TMEM268: variants seen among roughly 807,000 people sequenced by gnomAD.
The protein encoded by TMEM268 is transmembrane protein C9orf91.
TMEM268 carries 24 observed loss-of-function variants against 39.1 expected under a neutral mutation model. That is an observed-to-expected ratio of 0.61 (90% CI 0.44 to 0.86). The LOEUF (loss-of-function observed/expected upper bound fraction) is 0.86. Among genes scored for constraint, TMEM268 ranks in the 40% least tolerant of loss-of-function variants. The probability of loss-of-function intolerance (pLI) is 0.00; values close to 1 mark genes in which losing one functional copy is unlikely to be tolerated. For missense variants in TMEM268, 409 were observed against 428.6 expected (o/e 0.95, Z 0.40); for synonymous variants, 176 against 173.5 (o/e 1.01, Z -0.12).
At chr9:114,608,565 G>A (rs1239695587), upstream of TMEM268, among the ~76,000 whole-genome samples, 2 of 152,244 alleles carry the variant, frequency 1.3e-5, no homozygotes, top group African/African-American at 4.8e-5. Flanking sequence ...CCTTGTTGGA[G>A]AGGTAGGGTT....
chr9:114,639,654 G>C (rs1484565495), intron 8 of TMEM268, among the ~76,000 whole-genome samples: 1 of 151,830 alleles, frequency 6.6e-6, no homozygotes, highest in Non-Finnish European at 1.5e-5. Context: ...GGGGATTCAA[G>C]GTCCAAACCA....
intron 1 of TMEM268, among the ~76,000 whole-genome samples, chr9:114,612,694 G>T (rs981747649): frequency 6.6e-6 from 1 of 152,090 alleles, no homozygotes; most frequent in African/African-American, 2.4e-5. Context: ...CTCCACCTTT[G>T]CCAAGCCCAG....
Position 114,631,364 on chromosome 9 carries a change from G to A in TMEM268, c.475-2404G>A, listed in dbSNP as rs79043062. On this transcript the variant is annotated intron_variant, in intron 5 of 8. Coordinates refer to ENST00000288502, the MANE Select transcript of TMEM268 (RefSeq NM_153045.4). ...GGCACATTGCTAGGACACATGAGAA[G>A]TTCCAAGTTCCTACAAATATTTGCG... 2.8e-3 allele frequency among the ~76,000 whole-genome samples: 425 copies of A among 151,370 alleles called. 3 individuals are homozygous for A. The highest frequency in any genetic ancestry group is 0.016 in the East Asian group (82 of 5,140).
chr9:114,635,670 C>A (rs1291721377), intron 6 of TMEM268, among the ~76,000 whole-genome samples: 7 of 151,952 alleles, frequency 4.6e-5, no homozygotes, highest in Non-Finnish European at 1.0e-4. Context: ...CAGAGTGAGA[C>A]CCTGTCTCAA....
intron 1 of TMEM268, among the ~76,000 whole-genome samples, chr9:114,616,821 C>T (rs1266821580): frequency 6.6e-6 from 1 of 152,170 alleles, no homozygotes; most frequent in Non-Finnish European, 1.5e-5. Context: ...AACTGCCTGG[C>T]AGTGGGGCCT....
intron 2 of TMEM268, among the ~76,000 whole-genome samples, chr9:114,623,873 G>A (rs1431384108): frequency 6.6e-6 from 1 of 152,168 alleles, no homozygotes; most frequent in East Asian, 1.9e-4. Flanking sequence ...TGGGGCCATT[G>A]TTCTGCCTAC....
At chr9:114,638,305 G>C (rs967283571) in intron 7 of TMEM268, among the ~76,000 whole-genome samples, 2 of 152,214 alleles carry the variant, frequency 1.3e-5, no homozygotes, top group Non-Finnish European at 2.9e-5. Context: ...GCCTCCCAAA[G>C]TGCTGGGATT....
chr9:114,610,309 G>T (rs1367488148), upstream of TMEM268, among the ~76,000 whole-genome samples: 1 of 152,184 alleles, frequency 6.6e-6, no homozygotes, highest in Non-Finnish European at 1.5e-5. Context: ...AAAGTGCTGG[G>T]ATTACAGGCG....
chr9:114,632,839 A>G (rs1274668163), intron 5 of TMEM268, among the ~76,000 whole-genome samples: 1 of 152,182 alleles, frequency 6.6e-6, no homozygotes, highest in Non-Finnish European at 1.5e-5. Context: ...AGGCAGACAC[A>G]TTCTTTTATT....
At chr9:114,612,435 A>C (rs940604110) in intron 1 of TMEM268, among the ~76,000 whole-genome samples, 11 of 152,018 alleles carry the variant, frequency 7.2e-5, no homozygotes, top group African/African-American at 2.7e-4. Context: ...CTCTGCCTCC[A>C]CCCTGCTGTC....
chr9:114,626,731 C>A (rs1846176679), intron 3 of TMEM268, among the ~76,000 whole-genome samples, 168 bp from the exon 4 acceptor site: 1 of 152,154 alleles, frequency 6.6e-6, no homozygotes, highest in African/African-American at 2.4e-5. Flanking sequence ...CCTGTTCTTC[C>A]CTGAGCTGAG....
intron 8 of TMEM268, 45 bp from the exon 9 acceptor site, chr9:114,643,089 A>C: frequency 6.2e-7 from 1 of 1,604,178 alleles, no homozygotes; most frequent in South Asian, 1.1e-5. Context: ...TTTTTCCTCA[A>C]GGGGCTCCCC....
intron 5 of TMEM268, among the ~76,000 whole-genome samples, chr9:114,628,567 C>G (rs1846260075): frequency 6.6e-6 from 1 of 152,092 alleles, no homozygotes; most frequent in Non-Finnish European, 1.5e-5. Flanking sequence ...CCTGGGTGCT[C>G]ACAACAGCCC....
chr9:114,628,773 C>T (rs1846268542), intron 5 of TMEM268, among the ~76,000 whole-genome samples: 2 of 152,260 alleles, frequency 1.3e-5, no homozygotes, highest in South Asian at 4.1e-4. Context: ...GGTAACTTGT[C>T]CTGGATCCCA....
chr9:114,611,555 G>GGCGCGGGCGGTGAGTGT lies in TMEM268; in HGVS notation c.-79_-79+16dup, dbSNP rs1252502344. The GGCGCGGGCGGTGAGTGT allele has an allele frequency of 6.0e-6, 1 of 167,832 alleles. No homozygotes were observed. The highest frequency in any genetic ancestry group is 2.4e-5 in the African/African-American group (1 of 41,204). The allele number at this position is 167,832 out of a possible 1,614,324, so 10.4% of individuals were successfully genotyped here. A position where few individuals can be genotyped will look rare whatever the true frequency, so the allele number is the denominator to read the frequency against. On this transcript the variant is annotated 5_prime_UTR_variant, in exon 1 of 9. Transcript: ENST00000288502. ...GGGTGGCGGCGGCGGCGGCGGCGGC[G>GGCGCGGGCGGTGAGTGT]GCGCGGGCGGTGAGTGTGCGCGGGC... is the stretch of plus-strand genomic sequence containing the variant.
At chr9:114,636,210 C>T (rs942540359) in intron 6 of TMEM268, among the ~76,000 whole-genome samples, 8 of 152,148 alleles carry the variant, frequency 5.3e-5, no homozygotes, top group Non-Finnish European at 7.3e-5. Flanking sequence ...TTAGCTTGGC[C>T]GGCCCCTGGG....
intron 1 of TMEM268, among the ~76,000 whole-genome samples, chr9:114,616,422 G>A (rs1845716644): frequency 6.6e-6 from 1 of 152,106 alleles, no homozygotes; most frequent in African/African-American, 2.4e-5. Flanking sequence ...CTGGAGTGCA[G>A]TGGTGCAATC....
At position 114,644,796 on chromosome 9, in the gene TMEM268, GA is replaced by G. The variant is rs1827505063; in HGVS notation, c.*1484del. The G allele has an allele frequency of 6.7e-6, 1 of 149,056 alleles. No homozygotes were observed. The highest frequency in any genetic ancestry group is 2.4e-5 in the African/African-American group (1 of 40,890). 9.2% of individuals were successfully genotyped at this position (149,056 alleles called of 1,614,324 possible). A position where few individuals can be genotyped will look rare whatever the true frequency, so the allele number is the denominator to read the frequency against. ...CATCAATATAATGGGTGGATTGGAT[GA>G]TTTTTTTTTTTTTAATTGAGATGGA... On this transcript the variant is annotated 3_prime_UTR_variant, in exon 9 of 9. Coordinates refer to ENST00000288502, the MANE Select transcript of TMEM268 (RefSeq NM_153045.4).
chr9:114,615,508 G>A (rs1218279069), intron 1 of TMEM268: 1 of 152,938 alleles, frequency 6.5e-6, no homozygotes, highest in Non-Finnish European at 1.5e-5. Context: ...AGAACAAGGA[G>A]TTTGGTCTGT....
Sources: gnomAD v4.1 joint callset for allele counts (sites outside exome capture counted in the v4.1 genomes callset) on GRCh38, gnomAD v4.1.1 for gene constraint, MANE v1.5 for transcripts, NCBI Gene and HGNC (gene_info 2026-07-23, HGNC 2026-07-21) for gene names.